The following ASAP1 variants were observed in gnomAD, a reference collection of about 807,000 sequenced individuals.
ASAP1 encodes the protein arf-GAP with SH3 domain, ANK repeat and PH domain-containing protein 1.
Under a neutral mutation model 145.2 loss-of-function variants are expected in ASAP1, and 43 were observed. The ratio of observed to expected loss-of-function variants is 0.30; its 90% CI spans 0.23 to 0.38. The LOEUF (loss-of-function observed/expected upper bound fraction) is 0.38. ASAP1 is among the 10% of genes least tolerant of loss of function. The pLI is 1.00. For missense variants in ASAP1, 1,018 were observed against 1,355.3 expected (o/e 0.75, Z 3.91); for synonymous variants, 546 against 515.5 (o/e 1.06, Z -0.80).
intron 3 of ASAP1, among the ~76,000 whole-genome samples, chr8:130,263,733 C>T (rs1169873247): frequency 6.6e-6 from 1 of 152,230 alleles, no homozygotes; most frequent in Non-Finnish European, 1.5e-5. Context: ...TCTTGCTCTA[C>T]ATCCTAGGGC....
At chr8:130,220,056 T>C (rs1448367288) in intron 4 of ASAP1, among the ~76,000 whole-genome samples, 1 of 152,188 alleles carries the variant, frequency 6.6e-6, no homozygotes, top group Non-Finnish European at 1.5e-5. Context: ...CCCAAAGTGC[T>C]AGGATTTACA....
At chr8:130,312,449 AG>A (rs1180120778) in intron 3 of ASAP1, among the ~76,000 whole-genome samples, 25 of 136,294 alleles carry the variant, frequency 1.8e-4, no homozygotes. Context: ...CACTAAAAGG[AG>A]GGGAAAAAAA....
In ASAP1 at chr8:130,165,457, G is replaced by A. The variant is rs143388911; in HGVS notation, c.909+2079C>T. 3.0e-3 allele frequency among the ~76,000 whole-genome samples: 456 copies of A among 152,290 alleles called. 1 individual carries two copies. The highest frequency in any genetic ancestry group is 0.011 in the African/African-American group (441 of 41,544). ...CTCTTACACTGAGAAATCATTCAAA[G>A]AGACCACATTTCTCCTAGGATTTAT... On this transcript the variant is annotated intron_variant, in intron 11 of 29. Transcript: ENST00000518721.
At chr8:130,076,017 A>C (rs1368382807) in intron 27 of ASAP1, among the ~76,000 whole-genome samples, 1 of 152,226 alleles carries the variant, frequency 6.6e-6, no homozygotes, top group African/African-American at 2.4e-5. Flanking sequence ...AAGGCCACAC[A>C]GCTACTAAGT....
Position 130,053,593 on chromosome 8 carries a change from G to A in ASAP1, c.*1138C>T, listed in dbSNP as rs1410466805. On this transcript the variant is annotated 3_prime_UTR_variant, in exon 30 of 30. Transcript: ENST00000518721. Reference sequence around the variant, plus strand: ...AAAGAGCATGGGAAAAGAAACACTTGGTTTCAGCACCTGGATTCTACATAC... The same window carrying A: ...AAAGAGCATGGGAAAAGAAACACTTAGTTTCAGCACCTGGATTCTACATAC... 6.6e-6 allele frequency: 1 copy of A among 152,188 alleles called. No individual in the cohort carries two copies. The highest frequency in any genetic ancestry group is 2.4e-5 in the African/African-American group (1 of 41,444). 9.4% of individuals were successfully genotyped at this position (152,188 alleles called of 1,614,324 possible).
At chr8:130,186,560 C>G (rs1034384122) in intron 7 of ASAP1, among the ~76,000 whole-genome samples, 1 of 151,998 alleles carries the variant, frequency 6.6e-6, no homozygotes, top group Admixed American at 6.6e-5. Context: ...CGAGATGGGC[C>G]GAGCACCCTG....
intron 1 of ASAP1, among the ~76,000 whole-genome samples, chr8:130,416,266 G>T (rs572896081): frequency 1.3e-5 from 2 of 152,140 alleles, no homozygotes; most frequent in Admixed American, 1.3e-4. Flanking sequence ...AGGCAAAAGA[G>T]CATTGTAAGC....
chr8:130,376,430 A>AAAATCAAAAC (rs1827494994), intron 2 of ASAP1, among the ~76,000 whole-genome samples: 1 of 151,460 alleles, frequency 6.6e-6, no homozygotes, highest in African/African-American at 2.4e-5. Flanking sequence ...TTGCTTCCTT[A>AAAATCAAAAC]AAAACAAAAC....
chr8:130,119,928 G>A (rs758687471), intron 18 of ASAP1, among the ~76,000 whole-genome samples: 16 of 152,146 alleles, frequency 1.1e-4, no homozygotes, highest in South Asian at 2.1e-4. Context: ...AAACTTTCTT[G>A]CTCAAAAATA....
intron 4 of ASAP1, among the ~76,000 whole-genome samples, chr8:130,228,175 C>G (rs1225237305): frequency 6.6e-6 from 1 of 152,094 alleles, no homozygotes; most frequent in East Asian, 1.9e-4. Context: ...TTAAGAAATA[C>G]TCAGTTACTT....
chr8:130,158,020 G>A (rs1320953675), intron 12 of ASAP1, among the ~76,000 whole-genome samples: 1 of 152,132 alleles, frequency 6.6e-6, no homozygotes, highest in Non-Finnish European at 1.5e-5. Flanking sequence ...TAGACATACA[G>A]CAGGACTCAA....
chr8:130,060,989 C>A lies in ASAP1; in HGVS notation c.2782G>T (p.Ala928Ser), dbSNP rs578121499. The A allele has an allele frequency of 3.2e-6, 5 of 1,578,820 alleles. No homozygotes were observed. The East Asian group carries it at 9.0e-5, about 28-fold the overall frequency. The stretch of plus-strand genomic sequence containing the variant: ...GGTGGTGGCTTTTGTGGCAACTCTG[C>A]CAACTGTGATGATTTCTGAAAGATT... ...PEIFQKSSQL[A>S]ELPQKPPPGD... The change falls in exon 28 of 30, where the codon GCA (alanine) becomes TCA (serine). Residue 928 changes from alanine (A) to serine (S), a missense_variant. Around this residue, in one of 9 missense-constraint regions of ASAP1, gnomAD observed 38 missense variants for 77.2 expected, o/e 0.49. Coordinates refer to ENST00000518721, the MANE Select transcript of ASAP1 (RefSeq NM_018482.4).
At chr8:130,246,965 C>T (rs1818889038) in intron 3 of ASAP1, 1 of 152,190 alleles carries the variant, frequency 6.6e-6, no homozygotes. Context: ...AGAGGTCCAA[C>T]CTTTGCCTCT....
intron 3 of ASAP1, among the ~76,000 whole-genome samples, chr8:130,287,379 G>GC (rs1821681232): frequency 6.6e-6 from 1 of 152,060 alleles, no homozygotes; most frequent in African/African-American, 2.4e-5. Context: ...ATAGATGATG[G>GC]CACCATGCAC....
At chr8:130,356,540 A>G (rs1013317655) in intron 3 of ASAP1, among the ~76,000 whole-genome samples, 2 of 152,128 alleles carry the variant, frequency 1.3e-5, no homozygotes, top group African/African-American at 4.8e-5. Flanking sequence ...AAAGACAAAA[A>G]AAAAGAAAAA....
At chr8:130,439,262 G>A (rs531414831) in intron 1 of ASAP1, among the ~76,000 whole-genome samples, 42 of 152,252 alleles carry the variant, frequency 2.8e-4, no homozygotes, top group South Asian at 1.5e-3. Context: ...TCTTCCCAGC[G>A]CTGCCAGGAG....
chr8:130,198,818 G>T (rs1815683226), intron 5 of ASAP1, among the ~76,000 whole-genome samples: 1 of 152,180 alleles, frequency 6.6e-6, no homozygotes, highest in Non-Finnish European at 1.5e-5. Flanking sequence ...ATCTTTTAAA[G>T]TGATTACCAG....
intron 3 of ASAP1, among the ~76,000 whole-genome samples, chr8:130,351,389 G>A (rs764021025): frequency 6.6e-6 from 1 of 152,142 alleles, no homozygotes; most frequent in Non-Finnish European, 1.5e-5. Flanking sequence ...ACTAGAATAA[G>A]CTTTTATTAG....
chr8:130,238,992 C>G (rs74636257), intron 3 of ASAP1, among the ~76,000 whole-genome samples: 414 of 152,214 alleles, frequency 2.7e-3, no homozygotes, highest in African/African-American at 9.5e-3. Context: ...CCTTTAAATA[C>G]TCTTGTATCT....
Sources: gnomAD v4.1 joint callset for allele counts (sites outside exome capture counted in the v4.1 genomes callset) on GRCh38, gnomAD v4.1.1 for gene constraint, gnomAD v4.1.1 regional missense constraint, MANE v1.5 for transcripts, NCBI Gene and HGNC (gene_info 2026-07-23, HGNC 2026-07-21) for gene names.